Variants in LRP1B observed in about 807,000 individuals in gnomAD.
The protein encoded by LRP1B is LDL receptor related protein 1B.
Under a neutral mutation model 556.6 loss-of-function variants are expected in LRP1B, and 217 were observed. The ratio of observed to expected loss-of-function variants is 0.39; its 90% CI spans 0.35 to 0.44. LRP1B has a LOEUF of 0.44. Among genes scored for constraint, LRP1B ranks in the 20% least tolerant of loss-of-function variants. The pLI, the probability that LRP1B is intolerant of heterozygous loss-of-function variation, is 1.00. For missense variants in LRP1B, 5,053 were observed against 5,620.8 expected, an observed-to-expected ratio of 0.90 and a Z score of 3.23; for synonymous variants, 2,047 against 1,865.8, an observed-to-expected ratio of 1.10 and a Z score of -2.50.
At chr2:141,108,044 A>G (rs1383382812) in intron 7 of LRP1B, among the ~76,000 whole-genome samples, 1 of 152,188 alleles carries the variant, frequency 6.6e-6, no homozygotes, top group East Asian at 1.9e-4. Context: ...CAATTAAAAT[A>G]ATACTAGGGG....
At chr2:141,021,525 T>C (rs1377342904) in intron 11 of LRP1B, among the ~76,000 whole-genome samples, 1 of 152,076 alleles carries the variant, frequency 6.6e-6, no homozygotes, top group Non-Finnish European at 1.5e-5. Context: ...TCCTGAGCAC[T>C]TTCCTATTCT....
At chr2:140,908,138 T>C in intron 21 of LRP1B, 61 bp from the exon 22 acceptor site, 5 of 1,273,936 alleles carry the variant, frequency 3.9e-6, no homozygotes, top group Non-Finnish European at 4.5e-6. Flanking sequence ...TGATAATGAG[T>C]GGCCATTATT....
intron 35 of LRP1B, among the ~76,000 whole-genome samples, chr2:140,733,538 C>T (rs979663584): frequency 1.3e-5 from 2 of 152,062 alleles, no homozygotes; most frequent in African/African-American, 4.8e-5. Flanking sequence ...GCCACAAAGG[C>T]GCACCCTACT....
intron 7 of LRP1B, among the ~76,000 whole-genome samples, chr2:141,066,057 A>T (rs2105474815): frequency 6.6e-6 from 1 of 152,126 alleles, no homozygotes; most frequent in African/African-American, 2.4e-5. Flanking sequence ...ATTTATTTTT[A>T]AATGTCATTC....
chr2:141,313,126 C>T (rs1686875015), intron 3 of LRP1B, among the ~76,000 whole-genome samples: 1 of 152,064 alleles, frequency 6.6e-6, no homozygotes, highest in Non-Finnish European at 1.5e-5. Context: ...GATTAAAATC[C>T]AAGAAGCTTA....
chr2:140,522,990 A>T (rs192488599), intron 49 of LRP1B, among the ~76,000 whole-genome samples: 38 of 152,132 alleles, frequency 2.5e-4, no homozygotes, highest in Middle Eastern at 3.4e-3. Context: ...ATGCTGCTGA[A>T]ACTGTTCCAA....
At chr2:140,398,816 C>T (rs1470843029) in intron 66 of LRP1B, among the ~76,000 whole-genome samples, 1 of 152,078 alleles carries the variant, frequency 6.6e-6, no homozygotes, top group East Asian at 1.9e-4. Context: ...ATTTGTTTCC[C>T]TATAGGTTCA....
chr2:141,950,370 A>G (rs1008771394), intron 1 of LRP1B, among the ~76,000 whole-genome samples: 1 of 152,220 alleles, frequency 6.6e-6, no homozygotes, highest in Non-Finnish European at 1.5e-5. Flanking sequence ...ACATTTAACT[A>G]TAAATGGTTG....
rs143456003 is a variant in LRP1B at position 140,632,836 on chromosome 2, C to T, written c.6800-31197G>A. The stretch of plus-strand genomic sequence containing the variant: ...CCAGCACTTTTGGGAGGCTGAGGCG[C>T]GTGGGTCACGAGGTCAGGAGATCGA... On this transcript the variant is annotated intron_variant, in intron 41 of 90. Coordinates refer to ENST00000389484, the MANE Select transcript of LRP1B (RefSeq NM_018557.3). 2.5e-3 allele frequency among the ~76,000 whole-genome samples: 387 copies of T among 151,984 alleles called. 2 individuals are homozygous for T. The highest frequency in any genetic ancestry group is 9.1e-3 in the African/African-American group (376 of 41,448).
intron 3 of LRP1B, among the ~76,000 whole-genome samples, chr2:141,412,750 C>G (rs1215934604): frequency 2.0e-5 from 3 of 151,822 alleles, no homozygotes; most frequent in African/African-American, 7.3e-5. Context: ...AGAGAGTAAC[C>G]AAAGAGAAAA....
At chr2:141,700,937 TAAG>T (rs2105461979) in intron 2 of LRP1B, among the ~76,000 whole-genome samples, 1 of 151,984 alleles carries the variant, frequency 6.6e-6, no homozygotes, top group East Asian at 1.9e-4. Context: ...CCATATTTAT[TAAG>T]GGCATCAGCA....
intron 79 of LRP1B, among the ~76,000 whole-genome samples, chr2:140,330,449 C>A (rs1680748524): frequency 6.6e-6 from 1 of 151,352 alleles, no homozygotes; most frequent in South Asian, 2.1e-4. Context: ...TTTCAACAAA[C>A]CTGACAAAAA....
intron 7 of LRP1B, among the ~76,000 whole-genome samples, chr2:141,181,941 C>A (rs145374861): frequency 2.0e-5 from 3 of 151,926 alleles, no homozygotes; most frequent in African/African-American, 7.2e-5. Flanking sequence ...GCCTTTGAAC[C>A]GCTAAGTTCA....
At chr2:141,492,079 G>GAAAAAAAA (rs1553521014) in intron 2 of LRP1B, among the ~76,000 whole-genome samples, 4 of 8,066 alleles carry the variant, frequency 5.0e-4, no homozygotes, top group African/African-American at 1.1e-3. Context: ...TTAGCTTTCT[G>GAAAAAAAA]AAAAAAAAAA....
At chr2:141,328,890 A>G (rs868834049) in intron 3 of LRP1B, among the ~76,000 whole-genome samples, 1 of 152,132 alleles carries the variant, frequency 6.6e-6, no homozygotes, top group Middle Eastern at 3.2e-3. Context: ...AAAGAAGCAG[A>G]GAGTTGACCT....
chr2:141,091,625 G>C (rs546820993), intron 7 of LRP1B, among the ~76,000 whole-genome samples: 1 of 152,286 alleles, frequency 6.6e-6, no homozygotes, highest in South Asian at 2.1e-4. Flanking sequence ...ATGGCAACCT[G>C]TCCAGGTTTG....
intron 3 of LRP1B, among the ~76,000 whole-genome samples, chr2:141,364,807 GTAT>G (rs534873869): frequency 9.2e-4 from 140 of 152,208 alleles, no homozygotes; most frequent in Non-Finnish European, 1.5e-3. Flanking sequence ...TTAAGTAAAC[GTAT>G]TATATGTTCT....
intron 2 of LRP1B, among the ~76,000 whole-genome samples, chr2:141,516,623 C>T (rs111502891): frequency 2.6e-5 from 4 of 151,818 alleles, no homozygotes; most frequent in African/African-American, 7.3e-5. Flanking sequence ...CCACTGTACC[C>T]CAGCCTGGGC....
At chr2:141,427,273 T>C (rs1680404849) in intron 3 of LRP1B, among the ~76,000 whole-genome samples, 1 of 152,220 alleles carries the variant, frequency 6.6e-6, no homozygotes, top group Admixed American at 6.5e-5. Flanking sequence ...TGTAATGTAT[T>C]ATAGTACAAT....
Sources: allele counts gnomAD v4.1 joint callset (sites outside exome capture counted in the v4.1 genomes callset), GRCh38; gene constraint gnomAD v4.1.1; transcripts MANE v1.5; gene names NCBI Gene and HGNC (gene_info 2026-07-23, HGNC 2026-07-21).